Variants in STYXL1 observed in about 807,000 individuals in gnomAD.
STYXL1 encodes serine/threonine/tyrosine interacting like 1.
Under a neutral mutation model 36.4 loss-of-function variants are expected in STYXL1, and 32 were observed. The ratio of observed to expected loss-of-function variants is 0.88; its 90% CI spans 0.66 to 1.18. The LOEUF is 1.18. Ranked by LOEUF, STYXL1 falls within the 50% of genes most tolerant of loss-of-function variation. STYXL1 has a pLI of 0.00. For missense variants in STYXL1, 354 were observed against 394.1 expected, an observed-to-expected ratio of 0.90 and a Z score of 0.86; for synonymous variants, 133 against 144.1, an observed-to-expected ratio of 0.92 and a Z score of 0.55.
chr7:76,006,087 G>A (rs115332207), intron 5 of STYXL1, among the ~76,000 whole-genome samples: 11,370 of 151,886 alleles, frequency 0.075, 522 homozygotes, highest in South Asian at 0.14. Context: ...TTTTTTTAAA[G>A]ATACAGGGTC....
chr7:76,003,172 A>G (rs1354335539), intron 7 of STYXL1, among the ~76,000 whole-genome samples: 2 of 152,188 alleles, frequency 1.3e-5, no homozygotes, highest in Admixed American at 1.3e-4. Flanking sequence ...GTGGTGGCTC[A>G]TGCCTATAAT....
intron 1 of STYXL1, among the ~76,000 whole-genome samples, chr7:76,032,152 G>A (rs1266611803): frequency 6.6e-6 from 1 of 151,962 alleles, no homozygotes; most frequent in Non-Finnish European, 1.5e-5. Flanking sequence ...AGCTATTCAG[G>A]AGGCCAAGGT....
intron 8 of STYXL1, among the ~76,000 whole-genome samples, chr7:75,999,422 C>T (rs1157888360): frequency 4.0e-5 from 6 of 151,054 alleles, no homozygotes; most frequent in African/African-American, 7.3e-5. Flanking sequence ...ATTAGTTGTA[C>T]AATAATGTGA....
In STYXL1 at chr7:76,037,054, G is replaced by A. The variant is rs374190651; in HGVS notation, c.-4-6527C>T. Among the ~76,000 whole-genome samples, 8 of 149,954 alleles carry A rather than the reference G, an allele frequency of 5.3e-5. 1 individual carries two copies. Among genetic ancestry groups the A allele is most frequent in the African/African-American group, 1.9e-4 (8 of 41,050 alleles). ...CCGCCTCGGCCTACCAAAGTGCTAG[G>A]ATTACAGGCGTGAGCCACCGCACCC... On this transcript the variant is annotated intron_variant, in intron 1 of 8. Coordinates refer to ENST00000359697, the MANE Select transcript of STYXL1 (RefSeq NM_001317785.2).
intron 4 of STYXL1, among the ~76,000 whole-genome samples, chr7:76,019,826 G>A (rs1793834367): frequency 6.6e-6 from 1 of 151,378 alleles, no homozygotes; most frequent in Non-Finnish European, 1.5e-5. Flanking sequence ...AGGCATGGTG[G>A]CTCATGCCTG....
At chr7:76,033,913 G>A (rs782737963) in intron 1 of STYXL1, among the ~76,000 whole-genome samples, 5 of 152,178 alleles carry the variant, frequency 3.3e-5, no homozygotes, top group Non-Finnish European at 7.3e-5. Flanking sequence ...CCTAAGGAGT[G>A]GTTAGCTTCT....
chr7:76,003,860 A>G lies in STYXL1; in HGVS notation c.600-5T>C, dbSNP rs377441871. Reference sequence around the variant, plus strand: ...TTGTCAGCATCGCCTGCAAAACTACACGGAAGGACCACACAGGTCATCAGG... The same window carrying G: ...TTGTCAGCATCGCCTGCAAAACTACGCGGAAGGACCACACAGGTCATCAGG... On this transcript the variant is annotated splice_polypyrimidine_tract_variant and splice_region_variant and intron_variant, in intron 6 of 8. Coordinates refer to ENST00000359697, the MANE Select transcript of STYXL1 (RefSeq NM_001317785.2). 1.2e-6 allele frequency: 2 copies of G among 1,613,868 alleles called. No individual in the cohort carries two copies. Among genetic ancestry groups the G allele is most frequent in the African/African-American group, 1.3e-5 (1 of 75,012 alleles).
chr7:76,006,790 AC>A (rs1435086400), intron 5 of STYXL1, among the ~76,000 whole-genome samples: 72 of 151,354 alleles, frequency 4.8e-4, no homozygotes, highest in African/African-American at 1.5e-3. Context: ...AAACAAAACA[AC>A]AACAACAACA....
intron 4 of STYXL1, among the ~76,000 whole-genome samples, chr7:76,016,655 C>T (rs1361359021): frequency 6.6e-6 from 1 of 152,120 alleles, no homozygotes; most frequent in African/African-American, 2.4e-5. Flanking sequence ...CACTAATCAT[C>T]AGAGAAATGC....
rs573506615 is a variant in STYXL1, at chr7:76,036,986, G to A, written c.-4-6459C>T. On this transcript the variant is annotated intron_variant, in intron 1 of 8. Transcript: ENST00000359697. Reference sequence around the variant, plus strand: ...TTTTTAGTAGAGATGGGTTTTCACCGTGTTAGCCAGGATGGTCTCAATCTC... The same window carrying A: ...TTTTTAGTAGAGATGGGTTTTCACCATGTTAGCCAGGATGGTCTCAATCTC... 6.7e-5 allele frequency among the ~76,000 whole-genome samples: 10 copies of A among 149,148 alleles called. 3 individuals carry two copies. The highest frequency in any genetic ancestry group is 2.2e-4 in the South Asian group (1 of 4,520).
At chr7:76,022,035 G>A in intron 3 of STYXL1, 43 bp from the exon 4 acceptor site, 1 of 1,586,006 alleles carries the variant, frequency 6.3e-7, no homozygotes, top group Non-Finnish European at 8.5e-7. Flanking sequence ...GCCTGTTGGT[G>A]GGCAGGTTCG....
chr7:76,022,734 G>T (rs1794231957), intron 3 of STYXL1, among the ~76,000 whole-genome samples: 2 of 151,928 alleles, frequency 1.3e-5, no homozygotes, highest in South Asian at 4.2e-4. Context: ...AGAAGCAGAA[G>T]TCATGAGTGA....
At chr7:76,030,843 T>A in intron 1 of STYXL1, among the ~76,000 whole-genome samples, 1 of 86,170 alleles carries the variant, frequency 1.2e-5, no homozygotes. Context: ...CAAGACCCCA[T>A]CTCTACTAAA....
intron 1 of STYXL1, among the ~76,000 whole-genome samples, chr7:76,040,663 C>T (rs1409805258): frequency 6.6e-6 from 1 of 152,044 alleles, no homozygotes; most frequent in South Asian, 2.1e-4. Context: ...ATGGTAAAAC[C>T]TAGTCTCTAC....
rs1450143906 is a variant in STYXL1, at chr7:76,030,375, GAA to G, written c.103+44_103+45del. On this transcript the variant is annotated intron_variant, in intron 2 of 8. Transcript: ENST00000359697. ...TGTTAACTCATCAAAAATAATGTTT[GAA>G]GGACACTGTGTTTGACCTCCTCCGC... The G allele has an allele frequency of 4.4e-6, 6 of 1,367,200 alleles. No homozygotes were observed. The African/African-American group carries it at 8.6e-5, about 19-fold the overall frequency. The allele number at this position is 1,367,200 out of a possible 1,614,324, so 84.7% of individuals were successfully genotyped here. A position where few individuals can be genotyped will look rare whatever the true frequency, so the allele number is the denominator to read the frequency against.
intron 8 of STYXL1, chr7:75,998,908 T>A (rs1028933367): frequency 1.3e-5 from 2 of 152,244 alleles, no homozygotes; most frequent in Non-Finnish European, 2.9e-5. Flanking sequence ...ACAAATGTGA[T>A]TGATCAATTC....
intron 5 of STYXL1, among the ~76,000 whole-genome samples, chr7:76,013,321 G>C (rs556674586): frequency 9.6e-4 from 111 of 116,188 alleles, no homozygotes; most frequent in South Asian, 1.1e-3. Context: ...GCGAGACTCC[G>C]TCTCAAAAAA....
intron 8 of STYXL1, among the ~76,000 whole-genome samples, chr7:76,000,201 A>C (rs1790701123): frequency 6.9e-6 from 1 of 145,064 alleles, no homozygotes; most frequent in Non-Finnish European, 1.5e-5. Context: ...CCTGGGCAAC[A>C]GAACAAGACT....
Position 76,021,977 on chromosome 7 carries a change from G to C in STYXL1, c.181C>G (p.Leu61Val). The change falls in exon 4 of 9, where the codon CTT (leucine) becomes GTT (valine). Residue 61 changes from leucine to valine, a missense_variant. Physicochemically the swap from Leu to Val is conservative, Grantham distance 32. Coordinates refer to ENST00000359697, the MANE Select transcript of STYXL1 (RefSeq NM_001317785.2). ...TCCAGGTCCACAGACTCCGGGAGAA[G>C]ATATTCATTATTTTTCTTAAAAAAA... ...LRVKKKNNEY[L>V]LPESVDLECV... The C allele has an allele frequency of 6.2e-7, 1 of 1,604,422 alleles. No homozygotes were observed. Among genetic ancestry groups the C allele is most frequent in the Non-Finnish European group, 8.5e-7 (1 of 1,178,090 alleles).
Sources: allele counts gnomAD v4.1 joint callset (sites outside exome capture counted in the v4.1 genomes callset), GRCh38; gene constraint gnomAD v4.1.1; transcripts MANE v1.5; gene names NCBI Gene and HGNC (gene_info 2026-07-23, HGNC 2026-07-21).